The following MCC variants were observed in gnomAD, a reference collection of about 807,000 sequenced individuals.
The protein encoded by MCC is MCC regulator of Wnt signaling pathway, also known as colorectal mutant cancer protein.
A neutral mutation model predicts 116.2 loss-of-function variants in MCC; 90 were observed. That is an observed-to-expected ratio of 0.77 (90% CI 0.65 to 0.92). The LOEUF (loss-of-function observed/expected upper bound fraction) is 0.92, where lower values mean the gene tolerates loss of function less well. Among genes scored for constraint, MCC ranks in the 40% least tolerant of loss-of-function variants. The pLI, the probability that MCC is intolerant of heterozygous loss-of-function variation, is 0.00. For missense variants in MCC, 1,516 were observed against 1,312.2 expected (o/e 1.16, Z -2.40); for synonymous variants, 578 against 510.5 (o/e 1.13, Z -1.78).
chr5:113,457,463 T>C (rs1276135014), intron 1 of MCC, among the ~76,000 whole-genome samples: 1 of 152,202 alleles, frequency 6.6e-6, no homozygotes, highest in Non-Finnish European at 1.5e-5. Context: ...CGAGCCTCCC[T>C]GATGAGCACA....
intron 1 of MCC, among the ~76,000 whole-genome samples, chr5:113,465,278 A>C (rs1771870132): frequency 1.3e-5 from 2 of 152,086 alleles, no homozygotes; most frequent in South Asian, 4.1e-4. Flanking sequence ...ATGTATTTTC[A>C]AGTCAGTAGA....
intron 3 of MCC, among the ~76,000 whole-genome samples, chr5:113,239,353 T>G (rs1764272080): frequency 6.6e-6 from 1 of 151,686 alleles, no homozygotes; most frequent in Admixed American, 6.6e-5. Context: ...GTAATAGGAG[T>G]TTGGAATCCC....
chr5:113,246,800 C>G (rs1325718203), intron 3 of MCC, among the ~76,000 whole-genome samples: 2 of 152,184 alleles, frequency 1.3e-5, no homozygotes, highest in South Asian at 2.1e-4. Flanking sequence ...ATCATCACAA[C>G]AGGGAAGGGG....
intron 5 of MCC, among the ~76,000 whole-genome samples, chr5:113,136,242 T>A (rs1393869906): frequency 6.6e-6 from 1 of 152,186 alleles, no homozygotes; most frequent in Admixed American, 6.5e-5. Flanking sequence ...AGCTAGCATC[T>A]CAGCTGGTTA....
Position 113,097,990 on chromosome 5 carries a change from G to T in MCC, c.1398+3749C>A, listed in dbSNP as rs1756137508. On this transcript the variant is annotated intron_variant, in intron 8 of 18. Coordinates refer to ENST00000408903, the MANE Select transcript of MCC (RefSeq NM_001085377.2). ...ACCCAGGTAGAGCACAGTGTGTAAA[G>T]AAGAAATTGTTAACACCTTATGACA... Among the ~76,000 whole-genome samples the T allele has an allele frequency of 2.0e-5, 3 of 152,202 alleles. No homozygotes were observed. The South Asian group carries it at 6.2e-4, about 32-fold the overall frequency.
chr5:113,334,188 T>TTA (rs1554076954), intron 3 of MCC, among the ~76,000 whole-genome samples: 6 of 148,242 alleles, frequency 4.0e-5, no homozygotes, highest in Admixed American at 2.0e-4. Context: ...TTTAGAATAT[T>TTA]TATATATATT....
In MCC at chr5:113,083,020, A is replaced by C. The variant is rs563923486; in HGVS notation, c.1636-12T>G. 6.2e-7 allele frequency: 1 copy of C among 1,609,028 alleles called. No individual in the cohort carries two copies. The highest frequency in any genetic ancestry group is 1.7e-5 in the Admixed American group (1 of 58,764). Reference sequence around the variant, plus strand: ...ACACTGCTGGATACCTGCAAAAAGAAGCATTAATTCCCCTTTGGAACATAT... The same window carrying C: ...ACACTGCTGGATACCTGCAAAAAGACGCATTAATTCCCCTTTGGAACATAT... On this transcript the variant is annotated splice_polypyrimidine_tract_variant and intron_variant, in intron 10 of 18. Transcript: ENST00000408903.
chr5:113,357,982 C>T (rs896602698), intron 2 of MCC, among the ~76,000 whole-genome samples: 1 of 152,160 alleles, frequency 6.6e-6, no homozygotes, highest in Non-Finnish European at 1.5e-5. Flanking sequence ...TTTTTAAAAA[C>T]TTTCTAAAAA....
intron 8 of MCC, among the ~76,000 whole-genome samples, chr5:113,090,099 A>AG (rs1350533492): frequency 1.3e-5 from 2 of 152,052 alleles, no homozygotes; most frequent in African/African-American, 4.8e-5. Flanking sequence ...TCCAGGAAGG[A>AG]GGTGTGGCAG....
intron 1 of MCC, among the ~76,000 whole-genome samples, chr5:113,474,484 G>C (rs1294497922): frequency 6.6e-6 from 1 of 152,210 alleles, no homozygotes. Flanking sequence ...GATAATGCTG[G>C]AGGGGGAGTG....
intron 17 of MCC, among the ~76,000 whole-genome samples, chr5:113,043,034 T>A (rs1751827063): frequency 6.6e-6 from 1 of 152,112 alleles, no homozygotes; most frequent in Non-Finnish European, 1.5e-5. Flanking sequence ...CAGAGCTAGA[T>A]GAATCAGCAT....
intron 11 of MCC, among the ~76,000 whole-genome samples, chr5:113,081,625 A>AT (rs1447089831): frequency 1.3e-5 from 2 of 152,188 alleles, no homozygotes; most frequent in Non-Finnish European, 2.9e-5. Context: ...TGCAAAGGGC[A>AT]TATCTGATTC....
At chr5:113,480,650 G>A (rs1288360505) in intron 1 of MCC, among the ~76,000 whole-genome samples, 2 of 152,290 alleles carry the variant, frequency 1.3e-5, no homozygotes, top group East Asian at 3.9e-4. Flanking sequence ...CATCTTAGAA[G>A]AAAATACTAT....
chr5:113,165,293 A>T (rs955673742), intron 3 of MCC, among the ~76,000 whole-genome samples: 1 of 152,212 alleles, frequency 6.6e-6, no homozygotes, highest in Non-Finnish European at 1.5e-5. Context: ...AAACCACAAC[A>T]TACTAGTAAT....
intron 3 of MCC, among the ~76,000 whole-genome samples, chr5:113,182,823 G>C (rs1761700245): frequency 6.6e-6 from 1 of 152,224 alleles, no homozygotes; most frequent in Non-Finnish European, 1.5e-5. Flanking sequence ...ATGAGGAACT[G>C]ACAATCCAGA....
At chr5:113,339,436 T>TGTGTGTGTGTGTGTGC (rs1554077379) in intron 3 of MCC, among the ~76,000 whole-genome samples, 1 of 127,590 alleles carries the variant, frequency 7.8e-6, no homozygotes, top group African/African-American at 3.0e-5. Flanking sequence ...TGTGTGTGTG[T>TGTGTGTGTGTGTGTGC]GTGCGTGCAT....
chr5:113,488,351 T>TACC lies in MCC; in HGVS notation c.63_64insGGT (p.Gly21dup). ...TCGCTGCTGCTGCTGCTGCTGCCGCTGCCGCCGCCGCCGCCGCCGCTGCTG... is the reference window on the plus strand; with the variant it reads ...TCGCTGCTGCTGCTGCTGCTGCCGCTACCGCCGCCGCCGCCGCCGCCGCTGCTG... On this transcript the variant is annotated inframe_insertion, in exon 1 of 19. Transcript: ENST00000408903. The TACC allele has an allele frequency of 2.1e-6, 3 of 1,455,516 alleles. No homozygotes were observed. The highest frequency in any genetic ancestry group is 2.7e-6 in the Non-Finnish European group (3 of 1,097,786). The allele number at this position is 1,455,516 out of a possible 1,614,324, so 90.2% of individuals were successfully genotyped here. A position where few individuals can be genotyped will look rare whatever the true frequency, so the allele number is the denominator to read the frequency against.
intron 14 of MCC, among the ~76,000 whole-genome samples, chr5:113,058,450 ATC>A (rs1752988377): frequency 6.6e-6 from 1 of 152,092 alleles, no homozygotes; most frequent in South Asian, 2.1e-4. Context: ...GAGCCCAGCA[ATC>A]TGTGTTTTAA....
chr5:113,081,828 A>G (rs998707894), intron 11 of MCC, among the ~76,000 whole-genome samples: 1 of 152,242 alleles, frequency 6.6e-6, no homozygotes, highest in Non-Finnish European at 1.5e-5. Context: ...TCAATCAGGC[A>G]GGACTAACAT....
Sources: gnomAD v4.1 joint callset for allele counts (sites outside exome capture counted in the v4.1 genomes callset) on GRCh38, gnomAD v4.1.1 for gene constraint, MANE v1.5 for transcripts, NCBI Gene and HGNC (gene_info 2026-07-23, HGNC 2026-07-21) for gene names.